The following DISC1 variants were observed in gnomAD, a reference collection of about 807,000 sequenced individuals.
DISC1 encodes the protein disrupted in schizophrenia 1 protein.
A neutral mutation model predicts 84.5 loss-of-function variants in DISC1; 57 were observed. That is an observed-to-expected ratio of 0.67 (90% CI 0.55 to 0.84). DISC1 has a LOEUF of 0.84. Among genes scored for constraint, DISC1 ranks in the 40% least tolerant of loss-of-function variants. The pLI, the probability that DISC1 is intolerant of heterozygous loss-of-function variation, is 0.00. For synonymous variants in DISC1, 411 were observed against 415.2 expected (o/e 0.99, Z 0.12); for missense variants, 1,000 against 1,057.8 (o/e 0.95, Z 0.76).
chr1:231,659,280 A>T (rs2061389514), intron 1 of DISC1, among the ~76,000 whole-genome samples: 2 of 152,114 alleles, frequency 1.3e-5, no homozygotes, highest in Non-Finnish European at 2.9e-5. Flanking sequence ...AGGTGTTTAC[A>T]GTATTTTCTG....
intron 9 of DISC1, among the ~76,000 whole-genome samples, chr1:231,878,113 A>C (rs2125976137): frequency 6.6e-6 from 1 of 152,386 alleles, no homozygotes; most frequent in Non-Finnish European, 1.5e-5. Flanking sequence ...ATATTTATTA[A>C]GCATATTCTA....
chr1:231,905,911 C>T (rs192582655), intron 9 of DISC1, among the ~76,000 whole-genome samples: 4 of 151,626 alleles, frequency 2.6e-5, no homozygotes, highest in African/African-American at 9.7e-5. Context: ...GGAGGAACAG[C>T]GGGTCAACAA....
At chr1:231,973,738 T>C (rs776247882) in intron 10 of DISC1, among the ~76,000 whole-genome samples, 2 of 152,236 alleles carry the variant, frequency 1.3e-5, no homozygotes, top group Non-Finnish European at 2.9e-5. Context: ...AGCATTTTTT[T>C]AAATTTACAA....
At chr1:231,916,668 A>AG (rs956318536) in intron 9 of DISC1, among the ~76,000 whole-genome samples, 1 of 151,874 alleles carries the variant, frequency 6.6e-6, no homozygotes, top group Non-Finnish European at 1.5e-5. Flanking sequence ...AAAAAAAAAA[A>AG]AAAAAGAAAG....
intron 3 of DISC1, among the ~76,000 whole-genome samples, chr1:231,745,981 C>T (rs2073936886): frequency 6.6e-6 from 1 of 152,158 alleles, no homozygotes; most frequent in Non-Finnish European, 1.5e-5. Context: ...TCTCTTGCCA[C>T]GTGATGTGCC....
chr1:231,986,176 C>T (rs821664), intron 10 of DISC1, among the ~76,000 whole-genome samples: 64,059 of 151,964 alleles, frequency 0.42, 15,102 homozygotes, highest in African/African-American at 0.65. Context: ...TGATACACAT[C>T]GGTCCCCTCA....
intron 3 of DISC1, among the ~76,000 whole-genome samples, chr1:231,724,342 C>T (rs1048952108): frequency 3.9e-5 from 6 of 152,120 alleles, no homozygotes; most frequent in East Asian, 3.9e-4. Context: ...GATTTCTTCC[C>T]GAGGACTTCT....
intron 12 of DISC1, among the ~76,000 whole-genome samples, chr1:232,028,383 A>G (rs566383699): frequency 3.3e-5 from 5 of 152,250 alleles, no homozygotes; most frequent in African/African-American, 1.2e-4. Flanking sequence ...GAAATTTTCT[A>G]AAAGGTTAGT....
chr1:231,806,930 C>A lies in DISC1; in HGVS notation c.1792+6720C>A, dbSNP rs115340909. On this transcript the variant is annotated intron_variant, in intron 8 of 12. Coordinates refer to ENST00000439617, the MANE Select transcript of DISC1 (RefSeq NM_018662.3). ...CTGACTTGTGCTCTGTGGCTACTAC[C>A]CATCCCCATCAGAAACCTGGGCCTG... Among the ~76,000 whole-genome samples the A allele has an allele frequency of 9.6e-3, 1,465 of 152,336 alleles. 26 individuals carry two copies. The highest frequency in any genetic ancestry group is 0.032 in the African/African-American group (1,350 of 41,582).
chr1:231,722,953 T>C (rs2070051748), intron 3 of DISC1: 1 of 1,210,230 alleles, frequency 8.3e-7, no homozygotes, highest in Non-Finnish European at 1.0e-6. Flanking sequence ...AATGGAAAAA[T>C]ATGCTATGAT....
chr1:231,846,756 T>C (rs541773508), intron 9 of DISC1, among the ~76,000 whole-genome samples: 2 of 152,350 alleles, frequency 1.3e-5, no homozygotes, highest in East Asian at 3.9e-4. Flanking sequence ...TGTTGTTTTA[T>C]GTTTCTTAGC....
At chr1:231,945,486 A>G (rs1259640669) in intron 9 of DISC1, among the ~76,000 whole-genome samples, 9 of 152,342 alleles carry the variant, frequency 5.9e-5, no homozygotes, top group African/African-American at 1.9e-4. Context: ...AATTTATAGC[A>G]CTAAATGTCC....
At chr1:231,907,297 C>T (rs1409506486) in intron 9 of DISC1, among the ~76,000 whole-genome samples, 2 of 151,676 alleles carry the variant, frequency 1.3e-5, no homozygotes, top group Non-Finnish European at 2.9e-5. Context: ...GATATATCTC[C>T]TAATGCTATC....
At chr1:231,836,620 C>T (rs1453144760) in intron 9 of DISC1, among the ~76,000 whole-genome samples, 1 of 152,132 alleles carries the variant, frequency 6.6e-6, no homozygotes, top group Non-Finnish European at 1.5e-5. Flanking sequence ...CCCTCCAGCC[C>T]GACTATGTCT....
chr1:231,769,520 A>T (rs144686312), intron 5 of DISC1, among the ~76,000 whole-genome samples: 45 of 152,252 alleles, frequency 3.0e-4, no homozygotes, highest in African/African-American at 9.9e-4. Context: ...AAAAGGATAA[A>T]TGCTGTATGA....
chr1:231,935,592 G>C (rs776072995), intron 9 of DISC1, among the ~76,000 whole-genome samples: 6 of 152,180 alleles, frequency 3.9e-5, no homozygotes, highest in Non-Finnish European at 8.8e-5. Context: ...CTGGTGTTAA[G>C]GGGTGGGCTT....
At chr1:231,688,275 T>C (rs1046791775) in intron 1 of DISC1, among the ~76,000 whole-genome samples, 2 of 152,152 alleles carry the variant, frequency 1.3e-5, no homozygotes, top group African/African-American at 4.8e-5. Context: ...GCGTGTGGGT[T>C]TGCTACTCTA....
intron 6 of DISC1, 169 bp downstream of exon 6, chr1:231,771,239 G>T (rs575973150): frequency 1.0e-6 from 1 of 985,068 alleles, no homozygotes; most frequent in African/African-American, 1.7e-5. Context: ...GTGTGGGGCA[G>T]TCCTGAACAT....
chr1:231,984,606 G>A (rs1335425269), intron 10 of DISC1, among the ~76,000 whole-genome samples: 3 of 152,150 alleles, frequency 2.0e-5, no homozygotes, highest in Admixed American at 1.3e-4. Flanking sequence ...GGGACCAGGG[G>A]TACAAGGATG....
Sources: gnomAD v4.1 joint callset for allele counts (sites outside exome capture counted in the v4.1 genomes callset) on GRCh38, gnomAD v4.1.1 for gene constraint, MANE v1.5 for transcripts, NCBI Gene and HGNC (gene_info 2026-07-23, HGNC 2026-07-21) for gene names.